The following WDR72 variants were observed in gnomAD, a reference collection of about 807,000 sequenced individuals.
The protein encoded by WDR72 is WD repeat domain 72, also known as WD repeat-containing protein 72.
Under a neutral mutation model 124.2 loss-of-function variants are expected in WDR72, and 120 were observed. The ratio of observed to expected loss-of-function variants is 0.97; its 90% CI spans 0.83 to 1.12. The LOEUF is 1.12. Ranked by LOEUF, WDR72 falls within the 50% of genes most tolerant of loss-of-function variation. The pLI, the probability that WDR72 is intolerant of heterozygous loss-of-function variation, is 0.00. For missense variants in WDR72, 1,387 were observed against 1,278.8 expected (o/e 1.08, Z -1.29); for synonymous variants, 452 against 441.7 (o/e 1.02, Z -0.29).
chr15:53,577,353 A>G (rs1036859620), intron 18 of WDR72, among the ~76,000 whole-genome samples: 1 of 152,176 alleles, frequency 6.6e-6, no homozygotes, highest in Admixed American at 6.5e-5. Flanking sequence ...TCTAGGTTCT[A>G]TCATTGAAGT....
intron 14 of WDR72, among the ~76,000 whole-genome samples, chr15:53,618,370 T>C (rs2013852811): frequency 6.6e-6 from 1 of 152,030 alleles, no homozygotes; most frequent in South Asian, 2.1e-4. Context: ...AATATGTTTA[T>C]ATTACTTGCC....
chr15:53,619,453 G>A (rs1433866789), intron 14 of WDR72, among the ~76,000 whole-genome samples: 2 of 151,990 alleles, frequency 1.3e-5, no homozygotes, highest in African/African-American at 4.8e-5. Context: ...CTTGAAGGTG[G>A]TGTGAATTCT....
chr15:53,713,433 A>ATTTTG (rs2017610797), intron 6 of WDR72, among the ~76,000 whole-genome samples: 1 of 3,678 alleles, frequency 2.7e-4, no homozygotes, highest in African/African-American at 6.0e-4. Context: ...ATTTTATTTT[A>ATTTTG]TTTTATTTTA....
chr15:53,623,650 A>C (rs556934736), intron 14 of WDR72, among the ~76,000 whole-genome samples: 1 of 151,480 alleles, frequency 6.6e-6, no homozygotes, highest in South Asian at 2.1e-4. Flanking sequence ...GTAGAACTTT[A>C]TTTTCTTTCC....
intron 14 of WDR72, among the ~76,000 whole-genome samples, chr15:53,640,823 G>A (rs1035411215): frequency 1.3e-5 from 2 of 151,784 alleles, no homozygotes; most frequent in Non-Finnish European, 2.9e-5. Context: ...GTCAATCTTT[G>A]CCCAATTTCT....
chr15:53,675,939 C>A (rs938544829), intron 13 of WDR72, among the ~76,000 whole-genome samples: 1 of 152,112 alleles, frequency 6.6e-6, no homozygotes, highest in African/African-American at 2.4e-5. Context: ...CATCAGTTTT[C>A]CCTTGGGACA....
At chr15:53,715,011 G>C (rs983293491) in intron 5 of WDR72, among the ~76,000 whole-genome samples, 182 bp downstream of exon 5, 2 of 152,086 alleles carry the variant, frequency 1.3e-5, no homozygotes, top group African/African-American at 4.8e-5. Context: ...CCAATGTTTT[G>C]AACCACTGGC....
At chr15:53,722,683 T>C (rs2017910438) in intron 3 of WDR72, 119 bp downstream of exon 3, 1 of 840,512 alleles carries the variant, frequency 1.2e-6, no homozygotes, top group Non-Finnish European at 2.0e-6. Context: ...AATGTTCCTA[T>C]ATGTGAGAGG....
Position 53,681,922 on chromosome 15 carries a change from G to A in WDR72, c.1766-16154C>T, listed in dbSNP as rs540400124. ...AAATGATGTAGAATTTTTAAAATAA[G>A]TCATGGATACCTAAAAACAATATAG... On this transcript the variant is annotated intron_variant, in intron 13 of 19. Coordinates refer to ENST00000360509, the MANE Select transcript of WDR72 (RefSeq NM_182758.4). Among the ~76,000 whole-genome samples, 18 of 151,980 alleles carry A rather than the reference G, an allele frequency of 1.2e-4. No homozygotes were observed. In the South Asian group the frequency reaches 3.7e-3, roughly 32 times the overall value.
At chr15:53,569,740 T>C (rs1894439455) in intron 18 of WDR72, among the ~76,000 whole-genome samples, 1 of 152,042 alleles carries the variant, frequency 6.6e-6, no homozygotes, top group Non-Finnish European at 1.5e-5. Flanking sequence ...GTCATGAGAG[T>C]AATGATTTTC....
intron 17 of WDR72, among the ~76,000 whole-genome samples, chr15:53,605,207 C>T (rs12904067): frequency 0.31 from 46,734 of 152,028 alleles, 7,397 homozygotes; most frequent in Admixed American, 0.4. Context: ...ATGGAGTCGG[C>T]GGCCATTATC....
chr15:53,681,921 A>C (rs1450920813), intron 13 of WDR72, among the ~76,000 whole-genome samples: 1 of 152,226 alleles, frequency 6.6e-6, no homozygotes, highest in African/African-American at 2.4e-5. Flanking sequence ...TTTTAAAATA[A>C]GTCATGGATA....
chr15:53,609,555 T>C lies in WDR72; in HGVS notation c.2910A>G (p.Ser970=), dbSNP rs1397415393. 1.2e-6 allele frequency: 2 copies of C among 1,613,482 alleles called. No individual in the cohort carries two copies. Among genetic ancestry groups the C allele is most frequent in the Admixed American group, 3.3e-5 (2 of 59,906 alleles). ...TCCAACAGGAAATTAGCTTCAAAAG[T>C]GAAAGGTCAGCCTCAGGTACATGGG... The part of the protein sequence containing the change: ...NESHVPEADL[S]LLKLISCWRD... The change falls in exon 17 of 20, where the codon TCA becomes TCG. Residue 970 remains serine (S), a synonymous_variant. Transcript: ENST00000360509.
rs538247753 is a variant in WDR72 at position 53,538,077 on chromosome 15, T to C, written c.3149-14755A>G. On this transcript the variant is annotated intron_variant, in intron 18 of 19. Transcript: ENST00000360509. ...GATAACATAGAACCTCATTGGAAAG[T>C]TATTCTAAATAGCTTTTTTAATTTT... Among the ~76,000 whole-genome samples the C allele has an allele frequency of 2.0e-5, 3 of 152,288 alleles. No homozygotes were observed. The East Asian group carries it at 5.8e-4, about 29-fold the overall frequency.
intron 18 of WDR72, among the ~76,000 whole-genome samples, chr15:53,562,320 C>G (rs759308187): frequency 2.0e-5 from 3 of 151,742 alleles, no homozygotes; most frequent in African/African-American, 7.3e-5. Flanking sequence ...AATTGCCCCC[C>G]ACCCCAATTA....
intron 13 of WDR72, among the ~76,000 whole-genome samples, chr15:53,678,081 A>T (rs2016241295): frequency 6.6e-6 from 1 of 152,214 alleles, no homozygotes; most frequent in Admixed American, 6.5e-5. Context: ...GTTTAGGGAT[A>T]GATTTAAAGT....
At chr15:53,572,140 C>A (rs559237054) in intron 18 of WDR72, among the ~76,000 whole-genome samples, 1 of 152,064 alleles carries the variant, frequency 6.6e-6, no homozygotes, top group East Asian at 1.9e-4. Flanking sequence ...GTATAATTTG[C>A]AAATATTTTC....
At position 53,699,937 on chromosome 15, in the gene WDR72, A is replaced by T. The variant is rs899078802; in HGVS notation, c.1578T>A (p.Gly526=). 1 of 1,614,058 alleles carries T rather than the reference A, an allele frequency of 6.2e-7. No individual in the cohort carries two copies. The highest frequency in any genetic ancestry group is 1.3e-5 in the African/African-American group (1 of 74,916). The part of the protein sequence containing the change: ...LMSPEKFKLR[G]EQIICCVCGD... The stretch of plus-strand genomic sequence containing the variant: ...CGCACACACAGCAAATTATCTGCTC[A>T]CCCCTTAGCTGTGAAAAAACAACAT... The change falls in exon 13 of 20, where the codon GGT becomes GGA. Residue 526 remains glycine (G), a synonymous_variant. Transcript: ENST00000360509.
At position 53,516,349 on chromosome 15, in the gene WDR72, T is replaced by A. The variant is rs372471720; in HGVS notation, c.*1350A>T. On this transcript the variant is annotated 3_prime_UTR_variant, in exon 20 of 20. Transcript: ENST00000360509. ...TTCCTTAAGGGTGCAGCCCACGTCATTTCAATTACACAGTTCTCTTTTCTA... is the reference window on the plus strand; with the variant it reads ...TTCCTTAAGGGTGCAGCCCACGTCAATTCAATTACACAGTTCTCTTTTCTA... 2.0e-5 allele frequency: 3 copies of A among 152,230 alleles called. No individual in the cohort carries two copies. The highest frequency in any genetic ancestry group is 1.9e-4 in the East Asian group (1 of 5,182). The allele number at this position is 152,230 out of a possible 1,614,324, so 9.4% of individuals were successfully genotyped here.
Sources: allele counts gnomAD v4.1 joint callset (sites outside exome capture counted in the v4.1 genomes callset), GRCh38; gene constraint gnomAD v4.1.1; transcripts MANE v1.5; gene names NCBI Gene and HGNC (gene_info 2026-07-23, HGNC 2026-07-21).